Variants in CADPS observed in about 807,000 individuals in gnomAD.
The protein encoded by CADPS is calcium dependent secretion activator.
Under a neutral mutation model 167.3 loss-of-function variants are expected in CADPS, and 57 were observed. That is an observed-to-expected ratio of 0.34 (90% CI 0.28 to 0.42). The LOEUF (loss-of-function observed/expected upper bound fraction) is 0.42, where lower values mean the gene tolerates loss of function less well. Ranked by LOEUF, CADPS falls within the 20% of genes least tolerant of loss-of-function variation. The pLI is 1.00. For missense variants in CADPS, 1,414 were observed against 1,738.1 expected (o/e 0.81, Z 3.32); for synonymous variants, 676 against 635.3 (o/e 1.06, Z -0.96).
rs1233615884 is a variant in CADPS, at chr3:62,601,551, G to C, written c.1326-8803C>G. On this transcript the variant is annotated intron_variant, in intron 6 of 29. Transcript: ENST00000383710. This position sits in a 1 kb window ranked among gnomAD's most constrained non-coding sequence, Gnocchi z 4.3. ...ACTCACAAAGACAGCTGACCCCATG[G>C]GGATCCAATTTGCTGCTCTAAATTC... 1.3e-5 allele frequency among the ~76,000 whole-genome samples: 2 copies of C among 152,090 alleles called. No homozygotes were observed. Among genetic ancestry groups the C allele is most frequent in the Non-Finnish European group, 2.9e-5 (2 of 68,016 alleles).
chr3:62,831,620 G>A (rs1486867227), intron 1 of CADPS, among the ~76,000 whole-genome samples: 1 of 152,128 alleles, frequency 6.6e-6, no homozygotes, highest in African/African-American at 2.4e-5. Context: ...TAGAGTCACA[G>A]ATGTAGCATT....
chr3:62,709,617 C>G (rs1258777976), intron 3 of CADPS, among the ~76,000 whole-genome samples: 3 of 152,052 alleles, frequency 2.0e-5, no homozygotes. Context: ...TTACTGTTCC[C>G]TTAAGCAGAT....
At chr3:62,821,074 C>T (rs1052483545) in intron 1 of CADPS, among the ~76,000 whole-genome samples, 1 of 152,174 alleles carries the variant, frequency 6.6e-6, no homozygotes, top group Admixed American at 6.5e-5. Context: ...GCTGGGATTA[C>T]AGGCGTAAGC....
At chr3:62,656,059 C>G (rs1389545130) in intron 4 of CADPS, among the ~76,000 whole-genome samples, 2 of 152,088 alleles carry the variant, frequency 1.3e-5, no homozygotes, top group East Asian at 1.9e-4. Flanking sequence ...ATTTCTTCAC[C>G]CATCTGAATT....
chr3:62,625,762 T>C (rs2659469), intron 6 of CADPS: 21,824 of 150,846 alleles, frequency 0.14, 2,062 homozygotes, highest in Middle Eastern at 0.23. Flanking sequence ...AAATGCTTTC[T>C]AGCCAAATTC....
chr3:62,611,482 A>G, intron 6 of CADPS, among the ~76,000 whole-genome samples: 1 of 152,130 alleles, frequency 6.6e-6, no homozygotes, highest in East Asian at 1.9e-4. Flanking sequence ...AGCCAGAGTA[A>G]TCCTTTAAAA....
At position 62,399,661 on chromosome 3, in the gene CADPS, G is replaced by T; in HGVS notation, c.3883-76C>A. 8.1e-7 allele frequency: 1 copy of T among 1,236,858 alleles called. No individual in the cohort carries two copies. The highest frequency in any genetic ancestry group is 1.2e-6 in the Non-Finnish European group (1 of 854,744). 76.6% of individuals were successfully genotyped at this position (1,236,858 alleles called of 1,614,324 possible). On this transcript the variant is annotated intron_variant, in intron 29 of 29. Coordinates refer to ENST00000383710, the MANE Select transcript of CADPS (RefSeq NM_003716.4). This position sits in a 1 kb window ranked among gnomAD's most constrained non-coding sequence, Gnocchi z 5.6. ...GGAGGGAGAAGGTAAAAGCAGGTGT[G>T]GGTGGGAGAGCACTGACCTTCAGCT...
chr3:62,572,398 G>T (rs1174171229), intron 8 of CADPS, among the ~76,000 whole-genome samples: 1 of 151,986 alleles, frequency 6.6e-6, no homozygotes, highest in Non-Finnish European at 1.5e-5. Context: ...GACAATTATA[G>T]AGGAACCTCT....
chr3:62,428,277 C>T (rs1412460271), intron 28 of CADPS, among the ~76,000 whole-genome samples: 2 of 144,826 alleles, frequency 1.4e-5, no homozygotes, highest in Non-Finnish European at 3.0e-5. Flanking sequence ...TAACTTGCAG[C>T]CACCTGGTGG....
chr3:62,648,590 G>A (rs2069144506), intron 5 of CADPS, among the ~76,000 whole-genome samples: 1 of 147,754 alleles, frequency 6.8e-6, no homozygotes, highest in South Asian at 2.2e-4. Flanking sequence ...GCTGGCTGAG[G>A]TGGGAAGATC....
intron 26 of CADPS, among the ~76,000 whole-genome samples, chr3:62,452,191 G>C (rs1337090767): frequency 6.6e-6 from 1 of 152,198 alleles, no homozygotes; most frequent in Non-Finnish European, 1.5e-5. Flanking sequence ...GGCATGATCA[G>C]TTCAAAAGGC....
At chr3:62,512,953 C>T (rs1414710589) in intron 16 of CADPS, among the ~76,000 whole-genome samples, 185 bp from the exon 17 acceptor site, 1 of 152,100 alleles carries the variant, frequency 6.6e-6, no homozygotes, top group Admixed American at 6.6e-5. Context: ...GGCTCCTTCA[C>T]AGAGGTGGAA....
At chr3:62,763,521 A>T (rs1450845773) in intron 2 of CADPS, among the ~76,000 whole-genome samples, 2 of 152,164 alleles carry the variant, frequency 1.3e-5, no homozygotes, top group Non-Finnish European at 2.9e-5. Context: ...AGTATGACCT[A>T]GGTATCGGTC....
At chr3:62,523,329 G>A (rs2071216129) in intron 13 of CADPS, among the ~76,000 whole-genome samples, 2 of 152,228 alleles carry the variant, frequency 1.3e-5, no homozygotes, top group East Asian at 1.9e-4. Flanking sequence ...TTAATATAAT[G>A]AAGTACTGAG....
At chr3:62,621,541 G>A (rs1386086138) in intron 6 of CADPS, among the ~76,000 whole-genome samples, 1 of 152,018 alleles carries the variant, frequency 6.6e-6, no homozygotes, top group Non-Finnish European at 1.5e-5. Context: ...ATGGGGTATA[G>A]TTTTTAACAG....
At chr3:62,794,794 A>AAAAAAAAG (rs2093274389) in intron 1 of CADPS, among the ~76,000 whole-genome samples, 1 of 129,322 alleles carries the variant, frequency 7.7e-6, no homozygotes, top group African/African-American at 3.4e-5. Flanking sequence ...AAAAAAAAAA[A>AAAAAAAAG]AAAAAAAAAT....
intron 6 of CADPS, among the ~76,000 whole-genome samples, chr3:62,630,677 G>A (rs2065108748): frequency 6.6e-6 from 1 of 152,088 alleles, no homozygotes. Context: ...GTATTCCTAT[G>A]AAGAAAATAT....
intron 13 of CADPS, chr3:62,530,871 T>C (rs1312255227): frequency 2.1e-6 from 2 of 949,494 alleles, no homozygotes; most frequent in East Asian, 8.6e-5. Context: ...CATAGGAGAA[T>C]CAAGAGCACA....
At chr3:62,476,214 T>C (rs2061305804) in intron 23 of CADPS, among the ~76,000 whole-genome samples, 1 of 152,190 alleles carries the variant, frequency 6.6e-6, no homozygotes, top group Non-Finnish European at 1.5e-5. Context: ...TTTATACCTA[T>C]GAAACAATGT....
Sources: gnomAD v4.1 joint callset for allele counts (sites outside exome capture counted in the v4.1 genomes callset) on GRCh38, gnomAD v4.1.1 for gene constraint, Gnocchi (gnomAD v3.1) non-coding constraint, MANE v1.5 for transcripts, NCBI Gene and HGNC (gene_info 2026-07-23, HGNC 2026-07-21) for gene names.